Variants in CXCL13 observed in about 807,000 individuals in gnomAD.
The protein encoded by CXCL13 is C-X-C motif chemokine 13.
Under a neutral mutation model 12.2 loss-of-function variants are expected in CXCL13, and 7 were observed. The observed-to-expected ratio is 0.57, with a 90% CI of 0.33 to 1.07. CXCL13 has a LOEUF of 1.07. Among genes scored for constraint, CXCL13 ranks in the 50% least tolerant of loss-of-function variants. CXCL13 has a pLI of 0.04. For missense variants in CXCL13, 113 were observed against 127.4 expected (o/e 0.89, Z 0.55); for synonymous variants, 47 against 42.4 (o/e 1.11, Z -0.42).
chr4:77,555,880 G>T (rs1560524940), intron 1 of CXCL13, among the ~76,000 whole-genome samples: 1 of 152,106 alleles, frequency 6.6e-6, no homozygotes, highest in African/African-American at 2.4e-5. Flanking sequence ...AACATTTTCA[G>T]CCATAAAGTT....
At chr4:77,566,544 C>A (rs1225380601) in intron 1 of CXCL13, among the ~76,000 whole-genome samples, 3 of 151,580 alleles carry the variant, frequency 2.0e-5, no homozygotes, top group African/African-American at 7.3e-5. Flanking sequence ...ATAAACTTTA[C>A]CATCAAACCT....
chr4:77,552,028 T>A (rs1373103951), intron 1 of CXCL13, among the ~76,000 whole-genome samples: 2 of 152,314 alleles, frequency 1.3e-5, no homozygotes, highest in East Asian at 3.9e-4. Context: ...AACCTTATCT[T>A]GTATCTCATT....
chr4:77,610,667 T>A lies in CXCL13; in HGVS notation c.251T>A (p.Ile84Lys). 6.2e-7 allele frequency: 1 copy of A among 1,613,304 alleles called. No individual in the cohort carries two copies. Among genetic ancestry groups the A allele is most frequent in the Non-Finnish European group, 8.5e-7 (1 of 1,179,244 alleles). ...TGTGTGGACCCTCAAGCTGAATGGA[T>A]ACAAAGAATGATGGAAGTATTGAGA... Reference protein sequence around the residue: ...IVCVDPQAEWIQRMMEVLRKR... With the variant: ...IVCVDPQAEWKQRMMEVLRKR... The change falls in exon 3 of 4, where the codon ATA (isoleucine) becomes AAA (lysine). Residue 84 changes from isoleucine to lysine, a missense_variant. Physicochemically the swap from Ile to Lys is moderately radical, Grantham distance 102. Transcript: ENST00000682537.
chr4:77,540,268 A>G (rs1725168361), intron 1 of CXCL13, among the ~76,000 whole-genome samples: 1 of 152,168 alleles, frequency 6.6e-6, no homozygotes, highest in Non-Finnish European at 1.5e-5. Context: ...AATAATTTCA[A>G]CTTTTATTTT....
At position 77,580,516 on chromosome 4, in the gene CXCL13, G is replaced by A. The variant is rs548888786; in HGVS notation, c.-42-25308G>A. On this transcript the variant is annotated intron_variant, in intron 1 of 4. Transcript: ENST00000286758. ...TAATTTTTGTATTTTTAGTAGAGAC[G>A]GGGTTTCACCATGTTAGCCTGGATG... 4.6e-5 allele frequency among the ~76,000 whole-genome samples: 7 copies of A among 150,650 alleles called. No individual in the cohort carries two copies. In the South Asian group the frequency reaches 1.1e-3, roughly 23 times the overall value.
At chr4:77,547,680 T>C (rs754803849) in intron 1 of CXCL13, among the ~76,000 whole-genome samples, 1 of 152,218 alleles carries the variant, frequency 6.6e-6, no homozygotes, top group South Asian at 2.1e-4. Flanking sequence ...GTCTTGACTC[T>C]TTATCCAATT....
At chr4:77,607,938 T>C in intron 2 of CXCL13, 103 bp downstream of exon 2, 1 of 1,181,390 alleles carries the variant, frequency 8.5e-7, no homozygotes, top group Non-Finnish European at 1.2e-6. Context: ...AGAGATTTAC[T>C]TGAGTGTTGC....
At chr4:77,555,560 A>G (rs779895337) in intron 1 of CXCL13, among the ~76,000 whole-genome samples, 1 of 152,116 alleles carries the variant, frequency 6.6e-6, no homozygotes. Context: ...TAAAAATTAT[A>G]AAATGTTTAC....
At chr4:77,605,455 G>A (rs111283647), upstream of CXCL13, among the ~76,000 whole-genome samples, 513 of 152,240 alleles carry the variant, frequency 3.4e-3, 3 homozygotes, top group African/African-American at 0.012. Context: ...ATGTCATGGA[G>A]TATATATCTA....
intron 1 of CXCL13, among the ~76,000 whole-genome samples, chr4:77,531,063 G>T (rs915714847): frequency 2.0e-5 from 3 of 149,548 alleles, no homozygotes; most frequent in South Asian, 2.2e-4. Flanking sequence ...AATTTGTTCA[G>T]TTTCCATGTA....
intron 1 of CXCL13, among the ~76,000 whole-genome samples, chr4:77,564,084 G>C (rs1319617135): frequency 6.6e-6 from 1 of 152,126 alleles, no homozygotes; most frequent in Non-Finnish European, 1.5e-5. Flanking sequence ...TTTTGCACCA[G>C]ATCCTGGAAA....
chr4:77,611,564 CT>C lies in CXCL13; in HGVS notation c.*529del. 1 of 397,142 alleles carries C rather than the reference CT, an allele frequency of 2.5e-6. No individual in the cohort carries two copies. The highest frequency in any genetic ancestry group is 4.4e-6 in the Non-Finnish European group (1 of 225,622). The allele number at this position is 397,142 out of a possible 1,614,324, so 24.6% of individuals were successfully genotyped here. ...CACTACGGAGGAGAATTAAGTCCTA[CT>C]TTTAAAGAATTTCTTTATAAAATTT... On this transcript the variant is annotated 3_prime_UTR_variant, in exon 4 of 4. Transcript: ENST00000682537.
At chr4:77,543,758 A>G (rs1478823003) in intron 1 of CXCL13, among the ~76,000 whole-genome samples, 1 of 151,798 alleles carries the variant, frequency 6.6e-6, no homozygotes, top group Non-Finnish European at 1.5e-5. Flanking sequence ...TATTTTTTAA[A>G]TTATTATACT....
Position 77,531,098 on chromosome 4 carries a change from T to TTTATTATTA in CXCL13, c.-43+19336_-43+19344dup, listed in dbSNP as rs59478034. Among the ~76,000 whole-genome samples the TTTATTATTA allele has an allele frequency of 6.8e-3, 988 of 144,334 alleles. 6 individuals are homozygous for TTTATTATTA. The highest frequency in any genetic ancestry group is 9.1e-3 in the Non-Finnish European group (603 of 66,004). 94.7% of individuals were successfully genotyped at this position (144,334 alleles called of 152,430 possible). ...ATTTGAGTGTTTTTGAGTGAGTTTC[T>TTTATTATTA]TTATTATTATTATTATTATTATTAT... On this transcript the variant is annotated intron_variant, in intron 1 of 4. Coordinates refer to the CXCL13 transcript ENST00000286758.
At chr4:77,563,869 C>G (rs898674461) in intron 1 of CXCL13, among the ~76,000 whole-genome samples, 7 of 152,108 alleles carry the variant, frequency 4.6e-5, no homozygotes, top group Non-Finnish European at 1.0e-4. Flanking sequence ...TGCCTCAAAT[C>G]TTCATGTATA....
intron 1 of CXCL13, among the ~76,000 whole-genome samples, chr4:77,526,407 C>A (rs1475156077): frequency 1.3e-5 from 2 of 151,856 alleles, no homozygotes; most frequent in Admixed American, 1.3e-4. Flanking sequence ...CTACAGAGTG[C>A]TTCACATTGT....
chr4:77,601,361 A>G (rs186612421), upstream of CXCL13, among the ~76,000 whole-genome samples: 1 of 152,334 alleles, frequency 6.6e-6, no homozygotes, highest in Admixed American at 6.5e-5. Flanking sequence ...AGTTCTTTTT[A>G]TATAAATTAT....
At chr4:77,579,821 G>A (rs535728735) in intron 1 of CXCL13, among the ~76,000 whole-genome samples, 1 of 152,284 alleles carries the variant, frequency 6.6e-6, no homozygotes, top group Non-Finnish European at 1.5e-5. Context: ...TTAGCGCTAA[G>A]CACTCAGGGA....
chr4:77,587,148 G>A (rs890447306), intron 1 of CXCL13, among the ~76,000 whole-genome samples: 2 of 152,174 alleles, frequency 1.3e-5, no homozygotes, highest in African/African-American at 2.4e-5. Context: ...TTAGTCAACA[G>A]TGCTCTGAAC....
Sources: gnomAD v4.1 joint callset for allele counts (sites outside exome capture counted in the v4.1 genomes callset) on GRCh38, gnomAD v4.1.1 for gene constraint, MANE v1.5 for transcripts, NCBI Gene and HGNC (gene_info 2026-07-23, HGNC 2026-07-21) for gene names.